The following COL15A1 variants were observed in gnomAD, a reference collection of about 807,000 sequenced individuals.
COL15A1 encodes collagen type XV alpha 1 chain.
COL15A1 carries 111 observed loss-of-function variants against 165.9 expected under a neutral mutation model. That is an observed-to-expected ratio of 0.67 (90% CI 0.57 to 0.78). COL15A1 has a LOEUF of 0.78. Among genes scored for constraint, COL15A1 ranks in the 30% least tolerant of loss-of-function variants. The pLI, the probability that COL15A1 is intolerant of heterozygous loss-of-function variation, is 0.00. For synonymous variants in COL15A1, 659 were observed against 674.8 expected (o/e 0.98, Z 0.36); for missense variants, 1,745 against 1,789.7 (o/e 0.98, Z 0.45).
chr9:99,067,991 G>T (rs1386956856), intron 40 of COL15A1, among the ~76,000 whole-genome samples: 2 of 152,188 alleles, frequency 1.3e-5, no homozygotes, highest in East Asian at 3.8e-4. Context: ...TTGATTGGAA[G>T]GAGGCTTGTA....
At position 99,056,399 on chromosome 9, in the gene COL15A1, G is replaced by A. The variant is rs1187460600; in HGVS notation, c.3332G>A (p.Gly1111Glu). ...CCACCAGGACCTCCAGCTATCCTGG[G>A]AGCAGGTTAGTGCCGTAAACAGTGC... The part of the protein sequence containing the change: ...PGPPGPPAIL[G>E]AAVALPGPPG... Residue 1111 changes from glycine to glutamate, a missense_variant, in exon 35 of 42, where the codon GGA (glycine) becomes GAA (glutamate). Physicochemically the swap from Gly to Glu is moderately conservative, Grantham distance 98 (BLOSUM62 -2). Coordinates refer to ENST00000375001, the MANE Select transcript of COL15A1 (RefSeq NM_001855.5). The A allele has an allele frequency of 6.8e-6, 11 of 1,609,798 alleles. No homozygotes were observed. In the Admixed American group the frequency reaches 1.0e-4, roughly 15 times the overall value.
At position 99,024,998 on chromosome 9, in the gene COL15A1, C is replaced by T. The variant is rs138655830; in HGVS notation, c.1979C>T (p.Pro660Leu). The T allele has an allele frequency of 7.2e-4, 1,164 of 1,612,418 alleles. 7 individuals are homozygous for T. The East Asian group carries it at 0.02, about 28-fold the overall frequency. Reference protein sequence around the residue: ...EDGPAGEPGPPGPEGQPGVDG... With the variant: ...EDGPAGEPGPLGPEGQPGVDG... ...GGACCTGCTGGTGAACCTGGGCCCC[C>T]GGTGAGCAACTGAAGTCTTCTCCCC... Residue 660 changes from proline to leucine, a missense_variant and splice_region_variant, in exon 15 of 42, where the codon CCG becomes CTG. Pro to Leu is a moderately conservative substitution (Grantham distance 98). Transcript: ENST00000375001.
Position 99,020,442 on chromosome 9 carries a change from G to T in COL15A1, c.1701G>T (p.Lys567Asn), listed in dbSNP as rs980401412. ...MKGQAGPKGE[K>N]GDAGEELPGP... ...GACAGGCTGGGCCCAAAGGAGAAAAGGTTTGTGCTGTGACCATCCTGGGGA... is the reference window on the plus strand; with the variant it reads ...GACAGGCTGGGCCCAAAGGAGAAAATGTTTGTGCTGTGACCATCCTGGGGA... The change falls in exon 12 of 42, where the codon AAG (lysine) becomes AAT (asparagine). Residue 567 changes from lysine (K) to asparagine (N), a missense_variant and splice_region_variant. Lys to Asn is a moderately conservative substitution (Grantham distance 94, BLOSUM62 0). Coordinates refer to ENST00000375001, the MANE Select transcript of COL15A1 (RefSeq NM_001855.5). The T allele has an allele frequency of 6.2e-7, 1 of 1,608,810 alleles. No individual in the cohort carries two copies. Among genetic ancestry groups the T allele is most frequent in the Non-Finnish European group, 8.5e-7 (1 of 1,175,148 alleles).
chr9:98,958,117 A>G (rs755958947), intron 2 of COL15A1, among the ~76,000 whole-genome samples: 9 of 152,238 alleles, frequency 5.9e-5, no homozygotes, highest in Admixed American at 6.5e-5. Flanking sequence ...AGTGCGGGAC[A>G]TGGTGGAGAC....
intron 5 of COL15A1, 43 bp from the exon 6 acceptor site, chr9:98,996,891 C>T: frequency 6.2e-7 from 1 of 1,606,310 alleles, no homozygotes; most frequent in Non-Finnish European, 8.5e-7. Flanking sequence ...TTCTGCTTTA[C>T]TGCCAAGTAA....
intron 2 of COL15A1, among the ~76,000 whole-genome samples, chr9:98,956,658 C>T (rs1235490799): frequency 1.3e-5 from 2 of 152,206 alleles, no homozygotes; most frequent in Non-Finnish European, 2.9e-5. Flanking sequence ...CCTCTCCACC[C>T]TAGAATCCAT....
At chr9:99,040,871 A>G in intron 23 of COL15A1, 1 of 348,488 alleles carries the variant, frequency 2.9e-6, no homozygotes, top group Non-Finnish European at 5.4e-6. Context: ...TGATAACACT[A>G]AAAATAGTGC....
chr9:98,950,202 T>C (rs1837657343), intron 2 of COL15A1, among the ~76,000 whole-genome samples: 1 of 152,218 alleles, frequency 6.6e-6, no homozygotes, highest in Admixed American at 6.5e-5. Context: ...TCTTTGCACC[T>C]AGGAGCAGAA....
At chr9:98,958,721 T>C (rs562740260) in intron 2 of COL15A1, among the ~76,000 whole-genome samples, 3 of 152,318 alleles carry the variant, frequency 2.0e-5, no homozygotes, top group South Asian at 4.1e-4. Context: ...TGCAACTGAA[T>C]GTCTTCATTT....
At chr9:98,953,434 C>T (rs1837722656) in intron 2 of COL15A1, among the ~76,000 whole-genome samples, 1 of 152,060 alleles carries the variant, frequency 6.6e-6, no homozygotes, top group Non-Finnish European at 1.5e-5. Context: ...TCAACCCAAC[C>T]CAACCCTATC....
At chr9:99,058,428 G>A (rs1183690196) in intron 35 of COL15A1, among the ~76,000 whole-genome samples, 2 of 152,144 alleles carry the variant, frequency 1.3e-5, no homozygotes, top group African/African-American at 4.8e-5. Context: ...GGAAGAAGGT[G>A]CCGAGTGTAT....
chr9:98,983,214 G>C (rs913259427), intron 2 of COL15A1, among the ~76,000 whole-genome samples: 2 of 152,138 alleles, frequency 1.3e-5, no homozygotes, highest in East Asian at 3.8e-4. Context: ...TTGAGATGGG[G>C]GCATGGCAGT....
chr9:98,995,857 T>C (rs1838534485), intron 5 of COL15A1, among the ~76,000 whole-genome samples: 1 of 152,226 alleles, frequency 6.6e-6, no homozygotes, highest in Non-Finnish European at 1.5e-5. Context: ...ATTTTCTATT[T>C]CCTGCCTTCA....
chr9:98,967,963 A>G (rs1367016658), intron 2 of COL15A1, among the ~76,000 whole-genome samples: 1 of 151,900 alleles, frequency 6.6e-6, no homozygotes, highest in Non-Finnish European at 1.5e-5. Context: ...GAGAATCTGC[A>G]TCTCTAATAA....
intron 2 of COL15A1, among the ~76,000 whole-genome samples, chr9:98,945,992 G>A (rs1057411795): frequency 6.6e-6 from 1 of 152,176 alleles, no homozygotes; most frequent in Non-Finnish European, 1.5e-5. Context: ...AAACCTTCAG[G>A]AGCTGAGAAC....
rs144513870 is a variant in COL15A1 at position 99,046,745 on chromosome 9, G to A, written c.2680-1041G>A. ...CCACCACGTCCCTCCCATGACATGC[G>A]GGGGTTGTGGAATTACAATTCAAGA... On this transcript the variant is annotated intron_variant, in intron 26 of 41. Transcript: ENST00000375001. Among the ~76,000 whole-genome samples the A allele has an allele frequency of 7.7e-4, 118 of 152,304 alleles. 2 individuals carry two copies. The East Asian group carries it at 0.019, about 24-fold the overall frequency.
At chr9:98,975,165 C>A (rs1034827890) in intron 2 of COL15A1, among the ~76,000 whole-genome samples, 1 of 152,260 alleles carries the variant, frequency 6.6e-6, no homozygotes, top group Admixed American at 6.5e-5. Flanking sequence ...ATCCGCAGCG[C>A]TCCTTCACCT....
At position 99,024,880 on chromosome 9, in the gene COL15A1, C is replaced by A. The variant is rs929820050; in HGVS notation, c.1861C>A (p.Pro621Thr). Residue 621 changes from proline to threonine, a missense_variant, in exon 15 of 42, where the codon CCA (proline) becomes ACA (threonine). Pro to Thr is a conservative substitution (Grantham distance 38). Transcript: ENST00000375001. ...AGAGTCTTTGTGTTTTTAGGGTCCT[C>A]CAGGACCCCCAGGGCCACCTGGCTT... is the stretch of plus-strand genomic sequence containing the variant. ...VGSEQLLRGP[P>T]GPPGPPGLPG... 2 of 1,613,336 alleles carry A rather than the reference C, an allele frequency of 1.2e-6. No individual in the cohort carries two copies. Among genetic ancestry groups the A allele is most frequent in the African/African-American group, 1.3e-5 (1 of 74,896 alleles).
chr9:99,030,330 A>C (rs1470962873), intron 16 of COL15A1, among the ~76,000 whole-genome samples: 1 of 152,232 alleles, frequency 6.6e-6, no homozygotes, highest in East Asian at 1.9e-4. Context: ...CCCTCACTGC[A>C]CAAAAATTCT....
Sources: allele counts gnomAD v4.1 joint callset (sites outside exome capture counted in the v4.1 genomes callset), GRCh38; gene constraint gnomAD v4.1.1; transcripts MANE v1.5; gene names NCBI Gene and HGNC (gene_info 2026-07-23, HGNC 2026-07-21).